The following THRAP3 variants were observed in gnomAD, a reference collection of about 807,000 sequenced individuals.
The protein encoded by THRAP3 is thyroid hormone receptor-associated protein 3.
THRAP3 carries 16 observed loss-of-function variants against 101.0 expected under a neutral mutation model. The observed-to-expected ratio is 0.16, with a 90% CI of 0.11 to 0.24. The LOEUF (loss-of-function observed/expected upper bound fraction) is 0.24. Among genes scored for constraint, THRAP3 ranks in the 10% least tolerant of loss-of-function variants. The pLI is 1.00. For synonymous variants in THRAP3, 407 were observed against 422.6 expected, an observed-to-expected ratio of 0.96 and a Z score of 0.45; for missense variants, 989 against 1,202.7, an observed-to-expected ratio of 0.82 and a Z score of 2.63.
chr1:36,209,032 A>G, the THRAP3 span, among the ~76,000 whole-genome samples: 1 of 126,930 alleles, frequency 7.9e-6, no homozygotes, highest in Admixed American at 1.0e-4. Context: ...GCTGGAGTGC[A>G]GTGATGGAAT....
chr1:36,289,028 CTT>C, intron 4 of THRAP3, 30 bp from the exon 5 acceptor site: 1 of 1,528,396 alleles, frequency 6.5e-7, no homozygotes, highest in Non-Finnish European at 8.8e-7. Flanking sequence ...TAAGAAGCCT[CTT>C]GTGTCTCTCT....
At chr1:36,274,090 A>T (rs1557437757) in intron 2 of THRAP3, among the ~76,000 whole-genome samples, 1 of 143,860 alleles carries the variant, frequency 7.0e-6, no homozygotes. Flanking sequence ...ACACACACAC[A>T]CACACACACA....
At position 36,286,660 on chromosome 1, in the gene THRAP3, A is replaced by G; in HGVS notation, c.430A>G (p.Arg144Gly). ...SPSPRSRSHSRNSDKSSSDRS... is the reference protein window; with the variant it reads ...SPSPRSRSHSGNSDKSSSDRS... ...TTCACCAAGGTCCAGGAGCCATTCT[A>G]GAAACTCTGATAAGTCGTCTTCTGA... The change falls in exon 4 of 12, where the codon AGA becomes GGA. Residue 144 changes from arginine (R) to glycine (G), a missense_variant. Coordinates refer to ENST00000354618, the MANE Select transcript of THRAP3 (RefSeq NM_005119.4). The surrounding 1 kb of genome is among the most constrained non-coding windows in gnomAD (Gnocchi z 5.5). 6.2e-7 allele frequency: 1 copy of G among 1,614,186 alleles called. No homozygotes were observed. The highest frequency in any genetic ancestry group is 8.5e-7 in the Non-Finnish European group (1 of 1,180,022).
chr1:36,264,094 C>A (rs1040364879), intron 2 of THRAP3, among the ~76,000 whole-genome samples: 1 of 152,222 alleles, frequency 6.6e-6, no homozygotes, highest in South Asian at 2.1e-4. Flanking sequence ...GAGTCTCGCT[C>A]TGTCGCCCAG....
rs551709000 is a variant in THRAP3 at position 36,235,598 on chromosome 1, CA to C, written c.-135+11100del. ...TTTCTTCCTGAGATTTCCACCGTGA[CA>C]AAAAAATATGATGATTATTGTTGGT... On this transcript the variant is annotated intron_variant, in intron 1 of 11. Transcript: ENST00000354618. 1.3e-4 allele frequency among the ~76,000 whole-genome samples: 20 copies of C among 151,908 alleles called. No homozygotes were observed. In the South Asian group the frequency reaches 3.9e-3, roughly 30 times the overall value.
rs111470835 is a variant in THRAP3 at position 36,242,406 on chromosome 1, G to A, written c.-134-16976G>A. Among the ~76,000 whole-genome samples, 285 of 151,092 alleles carry A rather than the reference G, an allele frequency of 1.9e-3. 1 individual carries two copies. Among genetic ancestry groups the A allele is most frequent in the African/African-American group, 6.7e-3 (276 of 41,162 alleles). ...GGGCTGAAGTGAGCTTCCCAGCTTA[G>A]TCTCTCAAAGTGCTGGGATTACAGG... On this transcript the variant is annotated intron_variant, in intron 1 of 11. Coordinates refer to ENST00000354618, the MANE Select transcript of THRAP3 (RefSeq NM_005119.4).
At chr1:36,296,482 C>T (rs1215318498) in intron 8 of THRAP3, 101 bp from the exon 9 acceptor site, 1 of 919,140 alleles carries the variant, frequency 1.1e-6, no homozygotes, top group Non-Finnish European at 1.6e-6. Flanking sequence ...CCCAGTGCTT[C>T]CTCTGCACCC....
upstream of THRAP3, among the ~76,000 whole-genome samples, chr1:36,223,922 C>T (rs1299161247): frequency 6.6e-6 from 1 of 152,164 alleles, no homozygotes; most frequent in East Asian, 1.9e-4. Context: ...TTTGTCGGAG[C>T]CTGGCAACAT....
chr1:36,265,107 T>C (rs1444406312), intron 2 of THRAP3, among the ~76,000 whole-genome samples: 1 of 152,216 alleles, frequency 6.6e-6, no homozygotes, highest in Non-Finnish European at 1.5e-5. Flanking sequence ...CCATATATGA[T>C]TTGGATGGGT....
In THRAP3 at chr1:36,282,669, T is replaced by A. The variant is rs1645748196; in HGVS notation, c.106T>A (p.Ser36Thr). ...TTCGAAGTCTCGGTCCCGAAGCCGA[T>A]CTCTCTCTCGTTCAAGGAAGCGCAG... ...SFSKSRSRSR[S>T]LSRSRKRRLS... The change falls in exon 3 of 12, where the codon TCT (serine) becomes ACT (threonine). Residue 36 changes from serine to threonine, a missense_variant. By Grantham distance (58) the Ser-to-Thr change is moderately conservative (BLOSUM62 1). Coordinates refer to ENST00000354618, the MANE Select transcript of THRAP3 (RefSeq NM_005119.4). The A allele has an allele frequency of 1.2e-6, 2 of 1,613,918 alleles. No individual in the cohort carries two copies.
In THRAP3 at chr1:36,305,004, C is replaced by CTT. The variant is rs369334345; in HGVS notation, c.*997_*998dup. 3.2e-5 allele frequency: 6 copies of CTT among 189,730 alleles called. No individual in the cohort carries two copies. Among genetic ancestry groups the CTT allele is most frequent in the East Asian group, 1.7e-4 (2 of 11,434 alleles). 11.8% of individuals were successfully genotyped at this position (189,730 alleles called of 1,614,324 possible). ...GTGGTTCAGGGGTTTTTTTGGGTTTCTTTTTTTTTTTCTTTGTCTTTTTAA... is the reference window on the plus strand; with the variant it reads ...GTGGTTCAGGGGTTTTTTTGGGTTTCTTTTTTTTTTTTTCTTTGTCTTTTTAA... On this transcript the variant is annotated 3_prime_UTR_variant, in exon 12 of 12. Coordinates refer to ENST00000354618, the MANE Select transcript of THRAP3 (RefSeq NM_005119.4).
chr1:36,273,260 T>C (rs1481146021), intron 2 of THRAP3, among the ~76,000 whole-genome samples: 1 of 152,230 alleles, frequency 6.6e-6, no homozygotes, highest in Admixed American at 6.5e-5. Context: ...AGAGACTTCG[T>C]CCTGAGGCCT....
At position 36,293,878 on chromosome 1, in the gene THRAP3, C is replaced by G. The variant is rs374467622; in HGVS notation, c.2058C>G (p.Phe686Leu). The change falls in exon 8 of 12, where the codon TTC becomes TTG. Residue 686 changes from phenylalanine to leucine, a missense_variant. Coordinates refer to ENST00000354618, the MANE Select transcript of THRAP3 (RefSeq NM_005119.4). The stretch of plus-strand genomic sequence containing the variant: ...GAATAGACATTTCCCCCAGTACATT[C>G]AGAAAACATGGTTTGGCTCATGATG... ...HRRIDISPST[F>L]RKHGLAHDEM... 1 of 1,613,410 alleles carries G rather than the reference C, an allele frequency of 6.2e-7. No individual in the cohort carries two copies. The highest frequency in any genetic ancestry group is 1.3e-5 in the African/African-American group (1 of 74,886).
intron 2 of THRAP3, among the ~76,000 whole-genome samples, chr1:36,279,785 T>C (rs1645708535): frequency 6.6e-6 from 1 of 152,230 alleles, no homozygotes; most frequent in Non-Finnish European, 1.5e-5. Context: ...TTTTTGTCTT[T>C]TGGAAAGTTC....
chr1:36,238,581 C>A (rs796662203), intron 1 of THRAP3, among the ~76,000 whole-genome samples: 1 of 152,130 alleles, frequency 6.6e-6, no homozygotes, highest in African/African-American at 2.4e-5. Context: ...GTAGGCAGAT[C>A]TCTTCCCACT....
rs1645840533 is a variant in THRAP3 at position 36,289,666 on chromosome 1, A to G, written c.1647A>G (p.Gly549=). ...CCTCTGAGAGCCGAGACAAGCTGGG[A>G]GCGAAAGGAGATTTTCCCACAGGAA... ...RKTSESRDKL[G]AKGDFPTGKS... is the part of the protein sequence containing the mutation. Residue 549 remains glycine (G), a synonymous_variant, in exon 5 of 12, where the codon GGA becomes GGG. Transcript: ENST00000354618. 16 of 1,614,068 alleles carry G rather than the reference A, an allele frequency of 9.9e-6. No individual in the cohort carries two copies. The highest frequency in any genetic ancestry group is 1.4e-5 in the Non-Finnish European group (16 of 1,180,040).
chr1:36,270,179 A>G (rs1190366191), intron 2 of THRAP3, among the ~76,000 whole-genome samples: 1 of 152,176 alleles, frequency 6.6e-6, no homozygotes, highest in Admixed American at 6.5e-5. Context: ...CCTTGAACCC[A>G]GGAGTTTGAA....
chr1:36,269,129 G>C (rs550323629), intron 2 of THRAP3, among the ~76,000 whole-genome samples: 60 of 145,518 alleles, frequency 4.1e-4, no homozygotes, highest in African/African-American at 1.4e-3. Context: ...TTTCCTGAGG[G>C]CATGGACTTT....
chr1:36,251,391 T>C (rs1645298513), intron 1 of THRAP3, among the ~76,000 whole-genome samples: 1 of 152,194 alleles, frequency 6.6e-6, no homozygotes, highest in Non-Finnish European at 1.5e-5. Context: ...AGCATGAGTT[T>C]AAAAACCATT....
Sources: gnomAD v4.1 joint callset for allele counts (sites outside exome capture counted in the v4.1 genomes callset) on GRCh38, gnomAD v4.1.1 for gene constraint, Gnocchi (gnomAD v3.1) non-coding constraint, MANE v1.5 for transcripts, NCBI Gene and HGNC (gene_info 2026-07-23, HGNC 2026-07-21) for gene names.